Variants in RANBP2 observed in about 807,000 individuals in gnomAD.
RANBP2 encodes RAN binding protein 2, also known as E3 SUMO-protein ligase RanBP2.
Under a neutral mutation model 303.6 loss-of-function variants are expected in RANBP2, and 57 were observed. That is an observed-to-expected ratio of 0.19 (90% CI 0.15 to 0.23). The LOEUF is 0.23. RANBP2 is among the 10% of genes least tolerant of loss of function. RANBP2 has a pLI of 1.00. For synonymous variants in RANBP2, 1,167 were observed against 1,301.5 expected, an observed-to-expected ratio of 0.90 and a Z score of 2.23; for missense variants, 3,138 against 3,780.8, an observed-to-expected ratio of 0.83 and a Z score of 4.46.
chr2:109,652,556 C>G, the RANBP2 span, among the ~76,000 whole-genome samples: 56 of 152,246 alleles, frequency 3.7e-4, no homozygotes, highest in Non-Finnish European at 6.5e-4. Context: ...TCACGCTGAC[C>G]AAGGGACCCC....
the RANBP2 span, among the ~76,000 whole-genome samples, chr2:108,825,953 G>T: frequency 3.9e-5 from 6 of 152,160 alleles, no homozygotes; most frequent in African/African-American, 1.4e-4. Context: ...TGTCATCTCA[G>T]TGAGTATGAA....
At chr2:109,527,318 C>T in the RANBP2 span, among the ~76,000 whole-genome samples, 4 of 152,210 alleles carry the variant, frequency 2.6e-5, no homozygotes, top group Non-Finnish European at 5.9e-5. Flanking sequence ...GCCTAGGAAG[C>T]TGACACAGGC....
the RANBP2 span, among the ~76,000 whole-genome samples, chr2:109,260,208 G>C: frequency 6.6e-6 from 1 of 152,112 alleles, no homozygotes; most frequent in Non-Finnish European, 1.5e-5. Context: ...ACTACTGATG[G>C]TTGGCAGCCC....
chr2:109,251,961 T>A, the RANBP2 span, among the ~76,000 whole-genome samples: 1 of 152,126 alleles, frequency 6.6e-6, no homozygotes, highest in Non-Finnish European at 1.5e-5. Flanking sequence ...ATAAAACTTT[T>A]ACTGAACACA....
chr2:108,725,477 A>C (rs1200448789), intron 1 of RANBP2, among the ~76,000 whole-genome samples: 1 of 152,232 alleles, frequency 6.6e-6, no homozygotes, highest in Non-Finnish European at 1.5e-5. Flanking sequence ...AAAAGGGGGA[A>C]CTGGCTGGGC....
the RANBP2 span, among the ~76,000 whole-genome samples, chr2:108,862,673 A>C: frequency 1.3e-5 from 2 of 152,248 alleles, no homozygotes; most frequent in Non-Finnish European, 2.9e-5. Flanking sequence ...GTAAAGATAT[A>C]TAATTTTCAT....
the RANBP2 span, among the ~76,000 whole-genome samples, chr2:108,987,717 C>T: frequency 3.9e-5 from 6 of 152,194 alleles, no homozygotes; most frequent in Non-Finnish European, 7.3e-5. Context: ...TGGAGACCCC[C>T]GGCCAATCGC....
At chr2:109,065,699 G>A in the RANBP2 span, among the ~76,000 whole-genome samples, 1 of 152,216 alleles carries the variant, frequency 6.6e-6, no homozygotes, top group African/African-American at 2.4e-5. Context: ...GATGCATGTA[G>A]GAAGTCTCAG....
the RANBP2 span, chr2:109,502,019 T>G: frequency 1.3e-4 from 31 of 239,784 alleles, no homozygotes; most frequent in Non-Finnish European, 2.4e-4. Context: ...TAAGCAGGGT[T>G]GGAGGTTGCA....
At chr2:109,016,621 A>C in the RANBP2 span, among the ~76,000 whole-genome samples, 2 of 152,210 alleles carry the variant, frequency 1.3e-5, no homozygotes, top group Non-Finnish European at 2.9e-5. Flanking sequence ...CACGAGAGCA[A>C]GCCCGGGACC....
chr2:109,681,364 T>A, the RANBP2 span, among the ~76,000 whole-genome samples: 1 of 152,214 alleles, frequency 6.6e-6, no homozygotes, highest in Non-Finnish European at 1.5e-5. Flanking sequence ...TGAAAATTCT[T>A]ATTTGTACAC....
the RANBP2 span, among the ~76,000 whole-genome samples, chr2:109,554,124 TA>T: frequency 6.6e-6 from 1 of 152,088 alleles, no homozygotes; most frequent in Non-Finnish European, 1.5e-5. Flanking sequence ...TAAGAAAAAT[TA>T]ACAAAAACAA....
At chr2:109,403,248 G>T in the RANBP2 span, among the ~76,000 whole-genome samples, 1 of 152,178 alleles carries the variant, frequency 6.6e-6, no homozygotes. Flanking sequence ...CCTCCTCCCC[G>T]CAGCTGTTAG....
chr2:108,882,103 A>G, the RANBP2 span: 31 of 152,330 alleles, frequency 2.0e-4, no homozygotes, highest in Admixed American at 1.8e-3. Flanking sequence ...GCAGTGAGCT[A>G]TGATCACACC....
the RANBP2 span, among the ~76,000 whole-genome samples, chr2:109,242,036 G>A: frequency 2.0e-5 from 3 of 151,920 alleles, no homozygotes; most frequent in African/African-American, 2.4e-5. Flanking sequence ...CCAGTCCTTC[G>A]TCCTGCAAGT....
the RANBP2 span, among the ~76,000 whole-genome samples, chr2:108,792,807 G>T: frequency 6.6e-6 from 1 of 152,212 alleles, no homozygotes; most frequent in African/African-American, 2.4e-5. Context: ...GCTCACGCCT[G>T]TAATCCCAGC....
the RANBP2 span, among the ~76,000 whole-genome samples, chr2:109,028,857 G>A: frequency 1.3e-5 from 2 of 152,218 alleles, no homozygotes; most frequent in Admixed American, 6.5e-5. Flanking sequence ...CTGTGTGGCT[G>A]TCAGGGACTG....
At chr2:108,897,171 G>A in the RANBP2 span, 1 of 1,613,876 alleles carries the variant, frequency 6.2e-7, no homozygotes, top group Non-Finnish European at 8.5e-7. Flanking sequence ...TGTACGTGGA[G>A]CTGAGCATTC....
chr2:109,717,291 A>AC, the RANBP2 span, among the ~76,000 whole-genome samples: 10 of 148,574 alleles, frequency 6.7e-5, no homozygotes, highest in Non-Finnish European at 1.2e-4. Context: ...AAAAAAAAAA[A>AC]CCCAGTTCCA....
Sources: gnomAD v4.1 joint callset for allele counts (sites outside exome capture counted in the v4.1 genomes callset) on GRCh38, gnomAD v4.1.1 for gene constraint, MANE v1.5 for transcripts, NCBI Gene and HGNC (gene_info 2026-07-23, HGNC 2026-07-21) for gene names.